Variants in RNF157 observed in about 807,000 individuals in gnomAD.
The protein encoded by RNF157 is E3 ubiquitin ligase RNF157.
RNF157 carries 55 observed loss-of-function variants against 88.3 expected under a neutral mutation model. The observed-to-expected ratio is 0.62, with a 90% CI of 0.50 to 0.78. RNF157 has a LOEUF of 0.78. Ranked by LOEUF, RNF157 falls within the 30% of genes least tolerant of loss-of-function variation. The pLI, the probability that RNF157 is intolerant of heterozygous loss-of-function variation, is 0.00. For missense variants in RNF157, 788 were observed against 860.8 expected (o/e 0.92, Z 1.06); for synonymous variants, 334 against 341.2 (o/e 0.98, Z 0.23).
At chr17:76,179,118 G>A (rs1293310947) in intron 2 of RNF157, among the ~76,000 whole-genome samples, 2 of 152,194 alleles carry the variant, frequency 1.3e-5, no homozygotes, top group Non-Finnish European at 2.9e-5. Context: ...TCCTGGCCGG[G>A]CACAGTAGCT....
At chr17:76,231,406 G>A (rs1180504935) in intron 1 of RNF157, among the ~76,000 whole-genome samples, 2 of 152,162 alleles carry the variant, frequency 1.3e-5, no homozygotes, top group African/African-American at 4.8e-5. Context: ...CTTTCAGAAA[G>A]TGGCTTGTCT....
At chr17:76,147,390 C>T (rs535485526) in intron 18 of RNF157, 7 of 966,246 alleles carry the variant, frequency 7.2e-6, no homozygotes, top group Non-Finnish European at 8.6e-6. Flanking sequence ...ACAGCAGCAC[C>T]ACCACCACCA....
chr17:76,162,154 C>G, intron 9 of RNF157, 152 bp from the exon 10 acceptor site: 1 of 739,076 alleles, frequency 1.4e-6, no homozygotes, highest in Non-Finnish European at 2.2e-6. Context: ...CCCAGTGCGT[C>G]CACACACTTA....
At chr17:76,210,483 A>C (rs370634395) in intron 2 of RNF157, among the ~76,000 whole-genome samples, 1 of 147,418 alleles carries the variant, frequency 6.8e-6, no homozygotes, top group Non-Finnish European at 1.5e-5. Context: ...CCAGCTACTC[A>C]GGAGGCTGAG....
At chr17:76,223,189 CTT>C (rs753507516) in intron 1 of RNF157, among the ~76,000 whole-genome samples, 22 of 134,842 alleles carry the variant, frequency 1.6e-4, no homozygotes, top group Middle Eastern at 4.0e-3. Context: ...CGCACCCGGC[CTT>C]TTTTTTTTTT....
At chr17:76,150,353 C>G (rs2144795987) in intron 18 of RNF157, among the ~76,000 whole-genome samples, 1 of 152,274 alleles carries the variant, frequency 6.6e-6, no homozygotes, top group East Asian at 1.9e-4. Flanking sequence ...CCCAGGGCTT[C>G]TCTCTTCCTC....
At chr17:76,186,254 C>T (rs974668753) in intron 2 of RNF157, among the ~76,000 whole-genome samples, 3 of 152,116 alleles carry the variant, frequency 2.0e-5, no homozygotes, top group African/African-American at 7.2e-5. Flanking sequence ...GCCTGTAATC[C>T]CAGCACTTTG....
intron 9 of RNF157, among the ~76,000 whole-genome samples, chr17:76,162,336 T>C (rs562561975): frequency 1.3e-5 from 2 of 152,306 alleles, no homozygotes; most frequent in African/African-American, 4.8e-5. Flanking sequence ...GAAACCGAGT[T>C]GGACAGAGCT....
intron 1 of RNF157, among the ~76,000 whole-genome samples, chr17:76,231,807 A>G (rs1270051214): frequency 2.0e-5 from 3 of 152,232 alleles, no homozygotes; most frequent in East Asian, 1.9e-4. Context: ...CATCCATTGA[A>G]CAATTCAATG....
At chr17:76,208,508 C>A (rs1370729819) in intron 2 of RNF157, among the ~76,000 whole-genome samples, 1 of 152,122 alleles carries the variant, frequency 6.6e-6, no homozygotes, top group East Asian at 1.9e-4. Flanking sequence ...AAGCTTAGAA[C>A]AATCAGCCCT....
At chr17:76,163,101 T>G (rs1281206382) in intron 8 of RNF157, 1 of 154,384 alleles carries the variant, frequency 6.5e-6, no homozygotes. Context: ...TAGCAAGACC[T>G]TGAGGGAGAG....
At chr17:76,171,935 T>C (rs2069020665) in intron 3 of RNF157, among the ~76,000 whole-genome samples, 1 of 152,170 alleles carries the variant, frequency 6.6e-6, no homozygotes, top group South Asian at 2.1e-4. Flanking sequence ...CCATCAAATG[T>C]GTGAATGTGC....
intron 2 of RNF157, among the ~76,000 whole-genome samples, chr17:76,179,398 GAA>G (rs977562657): frequency 6.7e-6 from 1 of 148,992 alleles, no homozygotes; most frequent in Non-Finnish European, 1.5e-5. Flanking sequence ...TCCCAAAAAG[GAA>G]AAAAAAAGAG....
At chr17:76,179,257 G>A (rs998254781) in intron 2 of RNF157, among the ~76,000 whole-genome samples, 41 of 151,930 alleles carry the variant, frequency 2.7e-4, no homozygotes, top group African/African-American at 9.2e-4. Context: ...TAGTCAGCAT[G>A]GTGGCACACA....
At chr17:76,183,684 T>C (rs2069234425) in intron 2 of RNF157, among the ~76,000 whole-genome samples, 2 of 152,160 alleles carry the variant, frequency 1.3e-5, no homozygotes. Flanking sequence ...ATTATAGCTT[T>C]CTACATTTAT....
chr17:76,207,672 AG>A (rs1406977537), intron 2 of RNF157, among the ~76,000 whole-genome samples: 1 of 152,180 alleles, frequency 6.6e-6, no homozygotes, highest in East Asian at 1.9e-4. Flanking sequence ...TGGCTTTAAA[AG>A]GTTGTTCTCT....
At chr17:76,209,482 GTTTT>G (rs11439973) in intron 2 of RNF157, among the ~76,000 whole-genome samples, 1 of 146,718 alleles carries the variant, frequency 6.8e-6, no homozygotes, top group Non-Finnish European at 1.5e-5. Context: ...ATTTTTTTGC[GTTTT>G]TTTTTTTCTT....
chr17:76,155,836 G>T, intron 14 of RNF157, 102 bp from the exon 15 acceptor site: 1 of 1,060,436 alleles, frequency 9.4e-7, no homozygotes, highest in Non-Finnish European at 1.3e-6. Context: ...GCATTGAGGA[G>T]TGAAGTGGCC....
chr17:76,159,362 C>T lies in RNF157; in HGVS notation c.1277G>A (p.Gly426Glu), dbSNP rs747222485. ...LDRLSDSSSQ[G>E]LKLKKSLSKS... The stretch of plus-strand genomic sequence containing the variant: ...GGAGAGACTCTTTTTGAGTTTGAGT[C>T]CCTGACTGCTGCTGTCAGACAGGCG... Residue 426 changes from glycine to glutamate, a missense_variant, in exon 12 of 19, where the codon GGA becomes GAA. Gly to Glu is a moderately conservative substitution (Grantham distance 98, BLOSUM62 -2). Coordinates refer to ENST00000269391, the MANE Select transcript of RNF157 (RefSeq NM_052916.3). The T allele has an allele frequency of 6.2e-7, 1 of 1,613,442 alleles. No individual in the cohort carries two copies. Among genetic ancestry groups the T allele is most frequent in the South Asian group, 1.1e-5 (1 of 90,870 alleles).
Sources: allele counts gnomAD v4.1 joint callset (sites outside exome capture counted in the v4.1 genomes callset), GRCh38; gene constraint gnomAD v4.1.1; transcripts MANE v1.5; gene names NCBI Gene and HGNC (gene_info 2026-07-23, HGNC 2026-07-21).